GUCD1: variants seen among roughly 807,000 people sequenced by gnomAD.
The protein encoded by GUCD1 is protein GUCD1.
GUCD1 carries 17 observed loss-of-function variants against 28.3 expected under a neutral mutation model. That is an observed-to-expected ratio of 0.60 (90% confidence interval 0.41 to 0.90). The LOEUF (loss-of-function observed/expected upper bound fraction) is 0.90. GUCD1 is among the 40% of genes least tolerant of loss of function. The pLI is 0.00. For missense variants in GUCD1, 279 were observed against 305.5 expected, an observed-to-expected ratio of 0.91 and a Z score of 0.65; for synonymous variants, 129 against 123.3, an observed-to-expected ratio of 1.05 and a Z score of -0.30.
intron 4 of GUCD1, among the ~76,000 whole-genome samples, chr22:24,544,376 G>A (rs2044674236): frequency 6.6e-6 from 1 of 152,044 alleles, no homozygotes; most frequent in Non-Finnish European, 1.5e-5. Flanking sequence ...AGGGCCACTA[G>A]AGCAGCACAC....
At chr22:24,554,783 G>C (rs771621419) in intron 1 of GUCD1, among the ~76,000 whole-genome samples, 166 bp downstream of exon 1, 11 of 152,070 alleles carry the variant, frequency 7.2e-5, no homozygotes, top group Non-Finnish European at 1.6e-4. Flanking sequence ...TGCTGACAAG[G>C]GTCGCAATCC....
intron 5 of GUCD1, 100 bp from the exon 6 acceptor site, chr22:24,543,197 C>T (rs763156420): frequency 7.2e-6 from 6 of 832,680 alleles, no homozygotes; most frequent in Non-Finnish European, 1.2e-5. Context: ...GTCTGTTTCC[C>T]ATCCACATGG....
At chr22:24,549,566 C>T (rs368228698) in intron 1 of GUCD1, among the ~76,000 whole-genome samples, 25 of 152,236 alleles carry the variant, frequency 1.6e-4, no homozygotes, top group Middle Eastern at 6.8e-3. Context: ...GGCTGGAGTG[C>T]AGTGGCATGA....
intron 3 of GUCD1, 82 bp from the exon 4 acceptor site, chr22:24,547,087 TAC>T: frequency 1.8e-6 from 2 of 1,117,616 alleles, no homozygotes; most frequent in Middle Eastern, 2.1e-4. Context: ...AAGAGCGTGT[TAC>T]AGAGGCAGAG....
chr22:24,543,332 CGT>C (rs1305958007), intron 5 of GUCD1, among the ~76,000 whole-genome samples: 3 of 152,202 alleles, frequency 2.0e-5, no homozygotes, highest in African/African-American at 7.2e-5. Context: ...GGGGCAGAAA[CGT>C]GCTCCAGGCC....
At chr22:24,553,064 G>A (rs1417012667) in intron 1 of GUCD1, among the ~76,000 whole-genome samples, 1 of 152,218 alleles carries the variant, frequency 6.6e-6, no homozygotes, top group Non-Finnish European at 1.5e-5. Flanking sequence ...CTCATAAAGA[G>A]CTGAGCAGTG....
chr22:24,554,943 A>C lies in GUCD1; in HGVS notation c.43+6T>G. ...GTGAAGACTGGGCCCACAGAGAGGC[A>C]CTGACCGGGCTCGAGCGGCGGCCCC... On this transcript the variant is annotated splice_donor_region_variant and intron_variant, in intron 1 of 5. Transcript: ENST00000435822. The C allele has an allele frequency of 6.3e-7, 1 of 1,577,288 alleles. No homozygotes were observed. The highest frequency in any genetic ancestry group is 8.6e-7 in the Non-Finnish European group (1 of 1,162,144).
intron 4 of GUCD1, among the ~76,000 whole-genome samples, chr22:24,544,948 G>A (rs2044687823): frequency 1.3e-5 from 2 of 152,052 alleles, no homozygotes; most frequent in South Asian, 4.1e-4. Context: ...TAAGCCTGGG[G>A]CTGTAGCAGT....
At chr22:24,555,553 C>G (rs2045037551), upstream of GUCD1, 31 of 1,522,836 alleles carry the variant, frequency 2.0e-5, no homozygotes, top group Non-Finnish European at 2.6e-5. Flanking sequence ...CGGGCAGCCG[C>G]TCTACTCTAT....
chr22:24,545,037 AG>A, intron 4 of GUCD1, among the ~76,000 whole-genome samples: 1 of 144,556 alleles, frequency 6.9e-6, no homozygotes, highest in Non-Finnish European at 1.5e-5. Context: ...AAAAAAAAAA[AG>A]AAAAGAAAAG....
intron 4 of GUCD1, 145 bp from the exon 5 acceptor site, chr22:24,544,228 T>G (rs1008550): frequency 0.039 from 46,052 of 1,172,420 alleles, 3,087 homozygotes; most frequent in African/African-American, 0.28. Context: ...GCTCTGTCAC[T>G]GTGGCCCAGG....
chr22:24,545,142 C>T (rs2044694313), intron 4 of GUCD1, among the ~76,000 whole-genome samples: 1 of 152,102 alleles, frequency 6.6e-6, no homozygotes, highest in Non-Finnish European at 1.5e-5. Flanking sequence ...GGCTGCTCAC[C>T]CACTTGGGGC....
chr22:24,547,311 A>G, intron 3 of GUCD1: 1 of 356,250 alleles, frequency 2.8e-6, no homozygotes, highest in East Asian at 5.8e-5. Context: ...GGCAGGCATG[A>G]GCAGGAGCCC....
chr22:24,550,681 A>T (rs1269218112), intron 1 of GUCD1, among the ~76,000 whole-genome samples: 1 of 152,142 alleles, frequency 6.6e-6, no homozygotes, highest in Non-Finnish European at 1.5e-5. Flanking sequence ...GCGCCAGCTA[A>T]GACGGCCACT....
At chr22:24,546,320 T>C (rs1398361073) in intron 4 of GUCD1, among the ~76,000 whole-genome samples, 1 of 152,026 alleles carries the variant, frequency 6.6e-6, no homozygotes, top group Non-Finnish European at 1.5e-5. Context: ...ATAATGAAAA[T>C]ATAAATCCGC....
intron 1 of GUCD1, among the ~76,000 whole-genome samples, chr22:24,553,526 G>C (rs1247495803): frequency 6.6e-6 from 1 of 152,204 alleles, no homozygotes; most frequent in African/African-American, 2.4e-5. Context: ...CATACCTTGA[G>C]ATGCCCAGGC....
chr22:24,552,672 A>C (rs1407438643), intron 1 of GUCD1, among the ~76,000 whole-genome samples: 1 of 151,806 alleles, frequency 6.6e-6, no homozygotes, highest in African/African-American at 2.4e-5. Context: ...CGGGAGGCTG[A>C]GGCAGGAGGA....
chr22:24,546,735 G>A (rs1374828485), intron 4 of GUCD1, among the ~76,000 whole-genome samples, 179 bp downstream of exon 4: 1 of 152,168 alleles, frequency 6.6e-6, no homozygotes, highest in East Asian at 1.9e-4. Context: ...TAGCCCCAGT[G>A]AGCTCCATAA....
intron 5 of GUCD1, 92 bp downstream of exon 5, chr22:24,543,750 C>T: frequency 6.6e-7 from 1 of 1,506,412 alleles, no homozygotes; most frequent in South Asian, 1.3e-5. Flanking sequence ...GCCCTGGCCA[C>T]ACTAGATTGA....
Sources: allele counts gnomAD v4.1 joint callset (sites outside exome capture counted in the v4.1 genomes callset), GRCh38; gene constraint gnomAD v4.1.1; transcripts MANE v1.5; gene names NCBI Gene and HGNC (gene_info 2026-07-23, HGNC 2026-07-21).